RECK: variants seen among roughly 807,000 people sequenced by gnomAD.
The protein encoded by RECK is reversion inducing cysteine rich protein with kazal motifs.
RECK carries 69 observed loss-of-function variants against 115.1 expected under a neutral mutation model. That is an observed-to-expected ratio of 0.60 (90% confidence interval 0.49 to 0.73). The LOEUF (loss-of-function observed/expected upper bound fraction) is 0.73. Ranked by LOEUF, RECK falls within the 30% of genes least tolerant of loss-of-function variation. The pLI is 0.00. For missense variants in RECK, 1,047 were observed against 1,203.7 expected, an observed-to-expected ratio of 0.87 and a Z score of 1.93; for synonymous variants, 414 against 419.7, an observed-to-expected ratio of 0.99 and a Z score of 0.17.
chr9:36,090,345 AG>A (rs1333572049), intron 9 of RECK, among the ~76,000 whole-genome samples: 4 of 152,176 alleles, frequency 2.6e-5, no homozygotes, highest in African/African-American at 9.7e-5. Flanking sequence ...CACACAAAAT[AG>A]ACACTCAATA....
rs1468761622 is a variant in RECK at position 36,087,871 on chromosome 9, A to G, written c.815A>G (p.His272Arg). The G allele has an allele frequency of 1.9e-6, 3 of 1,613,852 alleles. No individual in the cohort carries two copies. The highest frequency in any genetic ancestry group is 2.5e-6 in the Non-Finnish European group (3 of 1,179,806). Residue 272 changes from histidine (H) to arginine (R), a missense_variant, in exon 9 of 21, where the codon CAC becomes CGC. Coordinates refer to ENST00000377966, the MANE Select transcript of RECK (RefSeq NM_021111.3). ...QCFLESSQSV[H>R]PGVTVHPPPS... is the part of the protein sequence containing the mutation. ...TTTCTTGAAAGCTCACAATCTGTTC[A>G]CCCTGGAGTCACTGTACACCCTCCT... is the stretch of plus-strand genomic sequence containing the variant.
Position 36,083,363 on chromosome 9 carries a change from A to G in RECK, c.440-2A>G, listed in dbSNP as rs756729348. ...CAGTGCCTTCTCTTTTTTTCTCCAT[A>G]GTGGGCTCGGTTTGTTGCAGTTATG... On this transcript the variant is annotated splice_acceptor_variant, in intron 7 of 20. Transcript: ENST00000377966. LOFTEE classifies it high-confidence loss of function. The G allele has an allele frequency of 6.2e-7, 1 of 1,609,052 alleles. No individual in the cohort carries two copies. The highest frequency in any genetic ancestry group is 8.5e-7 in the Non-Finnish European group (1 of 1,177,306).
At chr9:36,105,702 T>C (rs1360089596) in intron 13 of RECK, among the ~76,000 whole-genome samples, 2 of 152,218 alleles carry the variant, frequency 1.3e-5, no homozygotes, top group African/African-American at 4.8e-5. Context: ...CTTTAGTATA[T>C]AGAGAAATAG....
rs758497981 is a variant in RECK at position 36,108,127 on chromosome 9, C to G, written c.1728C>G (p.Asp576Glu). ...LENCMEMHCI[D>E]LQKSCIVGGK... ...ACTGTATGGAAATGCACTGTATAGA[C>G]CTCCAGAAGTCTTGTATTGTTGGAG... Residue 576 changes from aspartate (D) to glutamate (E), a missense_variant, in exon 14 of 21, where the codon GAC becomes GAG. Coordinates refer to ENST00000377966, the MANE Select transcript of RECK (RefSeq NM_021111.3). The G allele has an allele frequency of 5.6e-6, 9 of 1,603,378 alleles. No homozygotes were observed. The highest frequency in any genetic ancestry group is 5.3e-5 in the Admixed American group (3 of 56,796).
chr9:36,058,882 A>C lies in RECK; in HGVS notation c.215A>C (p.Asp72Ala). The C allele has an allele frequency of 6.3e-7, 1 of 1,586,428 alleles. No individual in the cohort carries two copies. The highest frequency in any genetic ancestry group is 1.7e-5 in the Admixed American group (1 of 58,366). ...AAACATCTGTTGCAGCGAGCCCCAG[A>C]TTATTGCCCAGAGACAATGGTAAGT... ...RLKHLLQRAP[D>A]YCPETMVEIW... is the part of the protein sequence containing the mutation. The change falls in exon 3 of 21, where the codon GAT becomes GCT. Residue 72 changes from aspartate to alanine, a missense_variant. Transcript: ENST00000377966.
In RECK at chr9:36,083,545, T is replaced by C. The variant is rs775874797; in HGVS notation, c.620T>C (p.Met207Thr). 3.1e-6 allele frequency: 5 copies of C among 1,613,540 alleles called. No homozygotes were observed. Among genetic ancestry groups the C allele is most frequent in the Non-Finnish European group, 8.5e-7 (1 of 1,179,700 alleles). Residue 207 changes from methionine to threonine, a missense_variant, in exon 8 of 21, where the codon ATG (methionine) becomes ACG (threonine). Met to Thr is a moderately conservative substitution (Grantham distance 81, BLOSUM62 -1). Coordinates refer to ENST00000377966, the MANE Select transcript of RECK (RefSeq NM_021111.3). ...AACAATTATACTCAATCTTATCCAA[T>C]GAGGAACCCAACGGATAGTAAGTAA... ...CVNNYTQSYP[M>T]RNPTDSLYCC...
intron 6 of RECK, among the ~76,000 whole-genome samples, chr9:36,070,797 T>C (rs1407917437): frequency 6.6e-6 from 1 of 152,212 alleles, no homozygotes; most frequent in Admixed American, 6.5e-5. Flanking sequence ...GTACTTCTTT[T>C]GAGAATCACA....
At chr9:36,112,528 G>A (rs1313882719) in intron 16 of RECK, 52 bp downstream of exon 16, 3 of 1,550,988 alleles carry the variant, frequency 1.9e-6, no homozygotes, top group Non-Finnish European at 2.7e-6. Flanking sequence ...TACTTACAAA[G>A]CATCTACCAT....
At chr9:36,073,057 T>G (rs1822296550) in intron 6 of RECK, among the ~76,000 whole-genome samples, 1 of 151,488 alleles carries the variant, frequency 6.6e-6, no homozygotes, top group South Asian at 2.1e-4. Context: ...TTTTTTTTTT[T>G]GAGCTCCTGA....
At chr9:36,090,789 A>G (rs982315492) in intron 9 of RECK, among the ~76,000 whole-genome samples, 1 of 152,230 alleles carries the variant, frequency 6.6e-6, no homozygotes, top group African/African-American at 2.4e-5. Context: ...CATAAATATA[A>G]GGGAATATAT....
In RECK at chr9:36,053,220, G is replaced by A. The variant is rs866514696; in HGVS notation, c.159+897G>A. ...GGTTTGAATTTTTCTGGTTGAACCT[G>A]TTTATGAAAGTTCCACTGAAGCACT... On this transcript the variant is annotated intron_variant, in intron 2 of 20. Coordinates refer to ENST00000377966, the MANE Select transcript of RECK (RefSeq NM_021111.3). 5.8e-4 allele frequency among the ~76,000 whole-genome samples: 88 copies of A among 152,242 alleles called. 1 individual carries two copies. Among genetic ancestry groups the A allele is most frequent in the Middle Eastern group, 3.4e-3 (1 of 294 alleles).
chr9:36,090,214 C>T (rs184099000), intron 9 of RECK, among the ~76,000 whole-genome samples: 10 of 152,126 alleles, frequency 6.6e-5, no homozygotes, highest in Non-Finnish European at 1.5e-4. Context: ...GCTTCCAGAT[C>T]GAGGTACCTG....
At chr9:36,048,790 A>G (rs1168209639) in intron 1 of RECK, among the ~76,000 whole-genome samples, 3 of 152,114 alleles carry the variant, frequency 2.0e-5, no homozygotes, top group Non-Finnish European at 4.4e-5. Context: ...ATTTCTCTAT[A>G]TTCTGTTTTA....
intron 6 of RECK, among the ~76,000 whole-genome samples, chr9:36,068,741 A>G (rs945978986): frequency 3.1e-4 from 47 of 152,210 alleles, no homozygotes; most frequent in African/African-American, 1.0e-3. Context: ...TTGGGATTCC[A>G]AAGGGACTAT....
intron 17 of RECK, among the ~76,000 whole-genome samples, chr9:36,118,498 T>C (rs970302679): frequency 5.3e-5 from 8 of 152,142 alleles, no homozygotes; most frequent in African/African-American, 1.7e-4. Context: ...TTATCTCTTA[T>C]CAGTTCACAT....
intron 16 of RECK, 126 bp from the exon 17 acceptor site, chr9:36,116,859 G>T: frequency 1.5e-6 from 1 of 679,350 alleles, no homozygotes. Flanking sequence ...AAGCTCTTTG[G>T]AGACAGGACT....
chr9:36,104,506 T>C lies in RECK; in HGVS notation c.1436-637T>C, dbSNP rs146363492. The stretch of plus-strand genomic sequence containing the variant: ...CACATGCCACCACGCCCAGCTAAAT[T>C]TGAGGGGGGGCTTTTTTTTTTGAGA... On this transcript the variant is annotated intron_variant, in intron 12 of 20. Transcript: ENST00000377966. 7.3e-4 allele frequency among the ~76,000 whole-genome samples: 106 copies of C among 144,676 alleles called. 1 individual carries two copies. In the East Asian group the frequency reaches 0.02, roughly 27 times the overall value. The allele number at this position is 144,676 out of a possible 152,430, so 94.9% of individuals were successfully genotyped here.
Position 36,083,344 on chromosome 9 carries a change from C to CTTCTCTTTTT in RECK, c.440-15_440-6dup, listed in dbSNP as rs754327404. ...CAAAAAGCTGTTTCCATGTCAGTGC[C>CTTCTCTTTTT]TTCTCTTTTTTTCTCCATAGTGGGC... On this transcript the variant is annotated intron_variant, in intron 7 of 20. Transcript: ENST00000377966. 16 of 1,609,334 alleles carry CTTCTCTTTTT rather than the reference C, an allele frequency of 9.9e-6. No individual in the cohort carries two copies. The East Asian group carries it at 3.6e-4, about 36-fold the overall frequency.
intron 2 of RECK, among the ~76,000 whole-genome samples, chr9:36,058,255 A>G (rs1482400616): frequency 1.3e-5 from 2 of 151,988 alleles, no homozygotes; most frequent in African/African-American, 2.4e-5. Context: ...ACCAACCCAG[A>G]TGTCCAACAA....
Sources: gnomAD v4.1 joint callset for allele counts (sites outside exome capture counted in the v4.1 genomes callset) on GRCh38, gnomAD v4.1.1 for gene constraint, MANE v1.5 for transcripts, NCBI Gene and HGNC (gene_info 2026-07-23, HGNC 2026-07-21) for gene names.